CREB1: variants seen among roughly 807,000 people sequenced by gnomAD.
The protein encoded by CREB1 is cAMP responsive element binding protein 1.
CREB1 carries 2 observed loss-of-function variants against 42.0 expected under a neutral mutation model. The observed-to-expected ratio is 0.05, with a 90% confidence interval of 0.02 to 0.15. CREB1 has a LOEUF of 0.15. Ranked by LOEUF, CREB1 falls within the 10% of genes least tolerant of loss-of-function variation. CREB1 has a pLI of 1.00. For synonymous variants in CREB1, 123 were observed against 139.9 expected (o/e 0.88, Z 0.85); for missense variants, 199 against 388.9 (o/e 0.51, Z 4.11).
chr2:207,575,205 T>C lies in CREB1; in HGVS notation c.506-67T>C, dbSNP rs907033783. 13 of 1,440,258 alleles carry C rather than the reference T, an allele frequency of 9.0e-6. No homozygotes were observed. In the African/African-American group the frequency reaches 1.8e-4, roughly 20 times the overall value. The allele number at this position is 1,440,258 out of a possible 1,614,324, so 89.2% of individuals were successfully genotyped here. On this transcript the variant is annotated intron_variant, in intron 5 of 7. Coordinates refer to ENST00000353267, the MANE Select transcript of CREB1 (RefSeq NM_004379.5). Reference sequence around the variant, plus strand: ...GATTATTTTACAAATTATTCTACATTGGATGTAATGTTTTAAAAGTCTTAT... The same window carrying C: ...GATTATTTTACAAATTATTCTACATCGGATGTAATGTTTTAAAAGTCTTAT...
intron 3 of CREB1, among the ~76,000 whole-genome samples, chr2:207,566,236 C>T (rs562438984): frequency 6.6e-6 from 1 of 152,278 alleles, no homozygotes; most frequent in East Asian, 1.9e-4. Flanking sequence ...CTTGGGAGAA[C>T]TGTTAGGCTC....
At chr2:207,553,147 C>T (rs1303591449) in intron 1 of CREB1, among the ~76,000 whole-genome samples, 1 of 143,758 alleles carries the variant, frequency 7.0e-6, no homozygotes. Context: ...TGGCTCACTG[C>T]AACTTCTGTC....
intron 3 of CREB1, chr2:207,561,059 G>T: frequency 1.4e-6 from 2 of 1,478,752 alleles, no homozygotes; most frequent in South Asian, 1.1e-5. Flanking sequence ...AAAAAGACTT[G>T]AACGTTCATT....
chr2:207,562,604 G>C (rs910466142), intron 3 of CREB1, among the ~76,000 whole-genome samples: 1 of 151,888 alleles, frequency 6.6e-6, no homozygotes, highest in Non-Finnish European at 1.5e-5. Context: ...ATTGAACCCT[G>C]GATTCTACAA....
Position 207,597,003 on chromosome 2 carries a change from CATTG to C in CREB1, c.935_938del (p.Ile312ArgfsTer3). The C allele has an allele frequency of 6.2e-7, 1 of 1,612,516 alleles. No individual in the cohort carries two copies. The highest frequency in any genetic ancestry group is 8.5e-7 in the Non-Finnish European group (1 of 1,179,584). On this transcript the variant is annotated frameshift_variant, in exon 8 of 8. Coordinates refer to ENST00000353267, the MANE Select transcript of CREB1 (RefSeq NM_004379.5). LOFTEE classifies it high-confidence loss of function. Reference sequence around the variant, plus strand: ...GCAGTGCTTGAAAATCAAAACAAGACATTGATTGAGGAGCTAAAAGCACTTAAGG... The same window carrying C: ...GCAGTGCTTGAAAATCAAAACAAGACATTGAGGAGCTAAAAGCACTTAAGG...
At chr2:207,588,879 G>A (rs1267859062) in intron 7 of CREB1, among the ~76,000 whole-genome samples, 1 of 137,466 alleles carries the variant, frequency 7.3e-6, no homozygotes, top group Non-Finnish European at 1.6e-5. Context: ...ATTAGTTCTA[G>A]GAGCTTTGTC....
chr2:207,570,401 A>G, intron 5 of CREB1, 80 bp downstream of exon 5: 3 of 1,362,562 alleles, frequency 2.2e-6, no homozygotes, highest in Non-Finnish European at 3.0e-6. Flanking sequence ...TTCTCTTCAG[A>G]GAAACCAATA....
intron 1 of CREB1, among the ~76,000 whole-genome samples, chr2:207,534,446 A>G (rs2080783843): frequency 6.6e-6 from 1 of 152,200 alleles, no homozygotes; most frequent in South Asian, 2.1e-4. Context: ...CATGTTGGTC[A>G]GGCTGGTCTT....
chr2:207,564,772 A>G (rs1326346661), intron 3 of CREB1, among the ~76,000 whole-genome samples: 2 of 152,186 alleles, frequency 1.3e-5, no homozygotes, highest in African/African-American at 4.8e-5. Flanking sequence ...CTAAAACTTT[A>G]TATCTACAAG....
At chr2:207,563,577 C>A (rs2082030921) in intron 3 of CREB1, among the ~76,000 whole-genome samples, 1 of 152,168 alleles carries the variant, frequency 6.6e-6, no homozygotes, top group Non-Finnish European at 1.5e-5. Flanking sequence ...TTTTCTTTTT[C>A]AATGCCAGCA....
chr2:207,570,505 CAG>C (rs1203447248), intron 5 of CREB1, among the ~76,000 whole-genome samples, 184 bp downstream of exon 5: 1 of 152,140 alleles, frequency 6.6e-6, no homozygotes, highest in Admixed American at 6.5e-5. Flanking sequence ...TTCTTTTCTT[CAG>C]AGAGTTTTAG....
intron 1 of CREB1, among the ~76,000 whole-genome samples, chr2:207,538,496 C>T (rs1053995955): frequency 5.3e-5 from 8 of 151,794 alleles, no homozygotes; most frequent in Non-Finnish European, 1.2e-4. Flanking sequence ...TACCGTGAGA[C>T]TAGCTGTGTG....
chr2:207,561,043 T>C (rs1041525886), intron 3 of CREB1: 1 of 1,320,990 alleles, frequency 7.6e-7, no homozygotes, highest in South Asian at 1.2e-5. Flanking sequence ...ATTGAGCTTA[T>C]TGAAAAAAAA....
At chr2:207,576,730 C>A in intron 6 of CREB1, 1 of 1,175,866 alleles carries the variant, frequency 8.5e-7, no homozygotes, top group South Asian at 1.8e-5. Flanking sequence ...TCCACTCAAA[C>A]CATACATTTT....
intron 1 of CREB1, among the ~76,000 whole-genome samples, chr2:207,540,527 C>T (rs1407408602): frequency 1.3e-5 from 2 of 151,618 alleles, no homozygotes; most frequent in Middle Eastern, 3.5e-3. Context: ...GCCTGTAATC[C>T]CTGCTACTCA....
intron 1 of CREB1, among the ~76,000 whole-genome samples, chr2:207,546,643 C>G (rs2081311024): frequency 6.6e-6 from 1 of 151,976 alleles, no homozygotes; most frequent in South Asian, 2.1e-4. Context: ...AAGAGAACCG[C>G]TTGAACCTGG....
chr2:207,590,557 A>G (rs970681643), intron 7 of CREB1, among the ~76,000 whole-genome samples: 4 of 151,902 alleles, frequency 2.6e-5, no homozygotes, highest in Non-Finnish European at 5.9e-5. Context: ...TCCTATTAAT[A>G]TATACCTTTG....
intron 1 of CREB1, chr2:207,550,654 T>G (rs1332084156): frequency 6.6e-6 from 1 of 152,216 alleles, no homozygotes. Context: ...ATGCGCTTGC[T>G]TTCTATTATG....
At chr2:207,578,809 G>A (rs1368006662) in intron 7 of CREB1, among the ~76,000 whole-genome samples, 75 of 150,312 alleles carry the variant, frequency 5.0e-4, no homozygotes, top group Non-Finnish European at 1.5e-4. Flanking sequence ...TTTTTCTCCC[G>A]AGATGAAGTC....
Sources: allele counts gnomAD v4.1 joint callset (sites outside exome capture counted in the v4.1 genomes callset), GRCh38; gene constraint gnomAD v4.1.1; transcripts MANE v1.5; gene names NCBI Gene and HGNC (gene_info 2026-07-23, HGNC 2026-07-21).